EFCAB6: variants seen among roughly 807,000 people sequenced by gnomAD.
EFCAB6 encodes the protein EF-hand calcium-binding domain-containing protein 6.
Under a neutral mutation model 169.8 loss-of-function variants are expected in EFCAB6, and 156 were observed. The ratio of observed to expected loss-of-function variants is 0.92; its 90% confidence interval spans 0.81 to 1.05. The LOEUF is 1.05. Among genes scored for constraint, EFCAB6 ranks in the 50% least tolerant of loss-of-function variants. The probability of loss-of-function intolerance (pLI) is 0.00; values close to 1 mark genes in which losing one functional copy is unlikely to be tolerated. For synonymous variants in EFCAB6, 698 were observed against 676.4 expected, an observed-to-expected ratio of 1.03 and a Z score of -0.50; for missense variants, 1,800 against 1,829.1, an observed-to-expected ratio of 0.98 and a Z score of 0.29.
At chr22:43,760,874 G>A (rs1296773295) in intron 5 of EFCAB6, among the ~76,000 whole-genome samples, 3 of 152,184 alleles carry the variant, frequency 2.0e-5, no homozygotes, top group African/African-American at 7.2e-5. Context: ...TGTTGGCCAA[G>A]CTGGTCTTGA....
At chr22:43,560,511 C>T (rs555954585) in intron 26 of EFCAB6, among the ~76,000 whole-genome samples, 5 of 152,230 alleles carry the variant, frequency 3.3e-5, no homozygotes, top group South Asian at 2.1e-4. Context: ...GTGTGGTCAA[C>T]GTAAAGGTAA....
chr22:43,734,378 T>C (rs2060059738), intron 7 of EFCAB6, among the ~76,000 whole-genome samples: 2 of 152,206 alleles, frequency 1.3e-5, no homozygotes, highest in African/African-American at 4.8e-5. Context: ...TTATGTTCAT[T>C]TTCTCAAGCC....
At chr22:43,755,187 G>A (rs748004805) in intron 6 of EFCAB6, among the ~76,000 whole-genome samples, 13 of 152,184 alleles carry the variant, frequency 8.5e-5, no homozygotes, top group Non-Finnish European at 1.9e-4. Context: ...AGGCCCAAAT[G>A]CATTTTAAAA....
intron 9 of EFCAB6, among the ~76,000 whole-genome samples, chr22:43,712,501 T>C (rs16990941): frequency 0.012 from 1,847 of 152,328 alleles, 18 homozygotes; most frequent in African/African-American, 0.015. Flanking sequence ...TTAGTGTGCA[T>C]AGAAATATTG....
chr22:43,668,544 G>A (rs555938841), intron 16 of EFCAB6, among the ~76,000 whole-genome samples: 1 of 152,272 alleles, frequency 6.6e-6, no homozygotes, highest in South Asian at 2.1e-4. Context: ...GTGAATGCAG[G>A]TATGTAATAG....
intron 11 of EFCAB6, among the ~76,000 whole-genome samples, chr22:43,684,628 G>A (rs1349918814): frequency 3.9e-5 from 6 of 152,132 alleles, no homozygotes; most frequent in African/African-American, 7.2e-5. Flanking sequence ...TTGTTGCTGC[G>A]TCTATACAGC....
At chr22:43,777,725 C>T (rs2061685601) in intron 3 of EFCAB6, among the ~76,000 whole-genome samples, 1 of 152,154 alleles carries the variant, frequency 6.6e-6, no homozygotes, top group Non-Finnish European at 1.5e-5. Context: ...TAGTTGCTTT[C>T]TTAGAAGCCC....
At chr22:43,787,531 A>G (rs1414799512) in intron 2 of EFCAB6, among the ~76,000 whole-genome samples, 2 of 152,216 alleles carry the variant, frequency 1.3e-5, no homozygotes, top group Admixed American at 1.3e-4. Context: ...AAAAGATAAA[A>G]TACTTAGAAA....
At chr22:43,550,806 T>C (rs1227435974) in intron 27 of EFCAB6, among the ~76,000 whole-genome samples, 1 of 152,170 alleles carries the variant, frequency 6.6e-6, no homozygotes, top group East Asian at 1.9e-4. Flanking sequence ...TGTGGGTCTA[T>C]TGTCTTAAGC....
chr22:43,743,706 G>A (rs1311681580), intron 6 of EFCAB6, among the ~76,000 whole-genome samples: 3 of 152,150 alleles, frequency 2.0e-5, no homozygotes, highest in African/African-American at 7.2e-5. Flanking sequence ...CGGCTGAAAC[G>A]GCATTACTCT....
intron 10 of EFCAB6, among the ~76,000 whole-genome samples, chr22:43,689,810 A>G (rs1245855953): frequency 6.6e-6 from 1 of 152,188 alleles, no homozygotes; most frequent in Non-Finnish European, 1.5e-5. Context: ...CAGGGAGGAA[A>G]TGCAATTCAT....
At chr22:43,576,135 AATACTCTGT>A (rs1323779072) in intron 26 of EFCAB6, among the ~76,000 whole-genome samples, 153 bp downstream of exon 26, 1 of 152,226 alleles carries the variant, frequency 6.6e-6, no homozygotes, top group Non-Finnish European at 1.5e-5. Flanking sequence ...TTCACCTTCT[AATACTCTGT>A]ATATAATTTA....
At chr22:43,788,091 C>G (rs1197031607) in intron 2 of EFCAB6, among the ~76,000 whole-genome samples, 2 of 152,094 alleles carry the variant, frequency 1.3e-5, no homozygotes, top group African/African-American at 4.8e-5. Flanking sequence ...CAAAATAGAT[C>G]AAAGCCCTAA....
At chr22:43,534,135 A>G (rs1205117686) in intron 30 of EFCAB6, among the ~76,000 whole-genome samples, 1 of 152,130 alleles carries the variant, frequency 6.6e-6, no homozygotes, top group African/African-American at 2.4e-5. Flanking sequence ...AATTGTAATC[A>G]CCAGTTGTCA....
intron 24 of EFCAB6, among the ~76,000 whole-genome samples, chr22:43,589,356 G>A (rs2051308949): frequency 7.2e-6 from 1 of 138,116 alleles, no homozygotes; most frequent in South Asian, 2.4e-4. Context: ...AAAAACATCA[G>A]TCAACAGGAT....
chr22:43,735,856 C>T lies in EFCAB6; in HGVS notation c.644+1G>A. 4.3e-6 allele frequency: 7 copies of T among 1,611,586 alleles called. No individual in the cohort carries two copies. Among genetic ancestry groups the T allele is most frequent in the Non-Finnish European group, 5.1e-6 (6 of 1,179,444 alleles). On this transcript the variant is annotated splice_donor_variant, in intron 7 of 31. Transcript: ENST00000262726. LOFTEE classifies it high-confidence loss of function. ...CTCTCACCGTGCCTTCATTTGCTTA[C>T]TTTTCGTATTCCTCGTCTCTTAACT...
At chr22:43,709,598 C>A (rs148672035) in intron 10 of EFCAB6, among the ~76,000 whole-genome samples, 126 of 152,058 alleles carry the variant, frequency 8.3e-4, no homozygotes, top group Middle Eastern at 3.4e-3. Flanking sequence ...TATATTTGTA[C>A]GTGAATACAA....
intron 9 of EFCAB6, 157 bp downstream of exon 9, chr22:43,716,691 G>C: frequency 1.4e-6 from 1 of 726,090 alleles, no homozygotes. Flanking sequence ...TCAATGTATT[G>C]CTGTTATTGG....
intron 17 of EFCAB6, among the ~76,000 whole-genome samples, chr22:43,647,981 AC>A (rs1359812356): frequency 6.6e-6 from 1 of 152,096 alleles, no homozygotes; most frequent in African/African-American, 2.4e-5. Context: ...GTTTTAAGCT[AC>A]CCAGGGTATG....
Sources: gnomAD v4.1 joint callset for allele counts (sites outside exome capture counted in the v4.1 genomes callset) on GRCh38, gnomAD v4.1.1 for gene constraint, MANE v1.5 for transcripts, NCBI Gene and HGNC (gene_info 2026-07-23, HGNC 2026-07-21) for gene names.